NETO1: variants seen among roughly 807,000 people sequenced by gnomAD.
The protein encoded by NETO1 is neuropilin and tolloid-like protein 1.
A neutral mutation model predicts 61.3 loss-of-function variants in NETO1; 26 were observed. The ratio of observed to expected loss-of-function variants is 0.42; its 90% CI spans 0.31 to 0.59. NETO1 has a LOEUF of 0.59. Among genes scored for constraint, NETO1 ranks in the 20% least tolerant of loss-of-function variants. The probability of loss-of-function intolerance (pLI) is 0.12; values close to 1 mark genes in which losing one functional copy is unlikely to be tolerated. For missense variants in NETO1, 531 were observed against 662.8 expected, an observed-to-expected ratio of 0.80 and a Z score of 2.18; for synonymous variants, 225 against 225.8, an observed-to-expected ratio of 1.00 and a Z score of 0.03.
chr18:72,800,337 AT>A (rs2072463582), intron 4 of NETO1, among the ~76,000 whole-genome samples: 1 of 152,218 alleles, frequency 6.6e-6, no homozygotes, highest in Non-Finnish European at 1.5e-5. Context: ...ATATCCTGAG[AT>A]TGCCACAGAA....
intron 8 of NETO1, among the ~76,000 whole-genome samples, chr18:72,751,187 T>A (rs1354485926): frequency 3.3e-5 from 5 of 152,024 alleles, no homozygotes; most frequent in Non-Finnish European, 7.4e-5. Flanking sequence ...AATGAAATAA[T>A]CACAACTGGT....
At chr18:72,772,811 CTCTCTCTCTCTCTCTATATATATA>C (rs1599139740) in intron 7 of NETO1, among the ~76,000 whole-genome samples, 2 of 54,984 alleles carry the variant, frequency 3.6e-5, no homozygotes, top group African/African-American at 1.3e-4. Flanking sequence ...CTCTCTCTCT[CTCTCTCTCTCTCTCTATATATATA>C]TATATATATA....
chr18:72,794,312 A>C (rs765954411), intron 5 of NETO1, 51 bp downstream of exon 5: 1 of 1,613,680 alleles, frequency 6.2e-7, no homozygotes, highest in South Asian at 1.1e-5. Flanking sequence ...AGTGTATTTC[A>C]TAGCAGAAAA....
chr18:72,756,196 C>A, intron 7 of NETO1, 49 bp from the exon 8 acceptor site: 1 of 866,064 alleles, frequency 1.2e-6, no homozygotes, highest in Non-Finnish European at 1.9e-6. Context: ...AACTGACATT[C>A]AGTAGTAAAT....
chr18:72,866,637 T>G (rs2145708125), intron 1 of NETO1: 1 of 858,116 alleles, frequency 1.2e-6, no homozygotes, highest in East Asian at 1.2e-4. Flanking sequence ...TGCTTAGTAA[T>G]GATACATTTC....
chr18:72,833,121 T>C (rs1276722227), intron 4 of NETO1, among the ~76,000 whole-genome samples: 6 of 152,204 alleles, frequency 3.9e-5, no homozygotes, highest in Non-Finnish European at 5.9e-5. Context: ...ATATATATGT[T>C]ATTTAAATTC....
chr18:72,817,798 T>C (rs1276634886), intron 4 of NETO1, among the ~76,000 whole-genome samples: 1 of 152,244 alleles, frequency 6.6e-6, no homozygotes, highest in Admixed American at 6.5e-5. Flanking sequence ...TCTGTTTCTG[T>C]CTGTCTCTCA....
chr18:72,806,943 C>T (rs2072692952), intron 4 of NETO1, among the ~76,000 whole-genome samples: 1 of 152,110 alleles, frequency 6.6e-6, no homozygotes. Flanking sequence ...GTGTTGGACC[C>T]CTTGTTTTTT....
At chr18:72,805,046 G>A (rs1038546944) in intron 4 of NETO1, among the ~76,000 whole-genome samples, 3 of 152,128 alleles carry the variant, frequency 2.0e-5, no homozygotes, top group South Asian at 2.1e-4. Flanking sequence ...TCAAATAAAT[G>A]ATAAGTAAAA....
Position 72,858,888 on chromosome 18 carries a change from T to G in NETO1, c.407A>C (p.Lys136Thr). ...TTCCAGCTCTCCATCAGCAAAAAAT[T>G]TAATCCATAGAAATCTTCCACTGGA... ...IKSSGRFLWI[K>T]FFADGELESM... is the part of the protein sequence containing the mutation. The change falls in exon 4 of 11, where the codon AAA (lysine) becomes ACA (threonine). Residue 136 changes from lysine to threonine, a missense_variant. Coordinates refer to ENST00000327305, the MANE Select transcript of NETO1 (RefSeq NM_138966.5). 1 of 1,613,912 alleles carries G rather than the reference T, an allele frequency of 6.2e-7. No homozygotes were observed. Among genetic ancestry groups the G allele is most frequent in the Non-Finnish European group, 8.5e-7 (1 of 1,179,868 alleles).
intron 7 of NETO1, among the ~76,000 whole-genome samples, chr18:72,782,785 C>T (rs983536909): frequency 2.6e-5 from 4 of 151,910 alleles, no homozygotes; most frequent in Non-Finnish European, 5.9e-5. Flanking sequence ...GCCTGGGCAA[C>T]AAGAGCAAAA....
At chr18:72,803,676 T>G (rs1374327952) in intron 4 of NETO1, among the ~76,000 whole-genome samples, 1 of 151,820 alleles carries the variant, frequency 6.6e-6, no homozygotes, top group Non-Finnish European at 1.5e-5. Context: ...ACAAAATTAG[T>G]CAGGTGTGGT....
intron 4 of NETO1, among the ~76,000 whole-genome samples, chr18:72,828,253 A>G (rs6566664): frequency 0.8 from 122,377 of 152,090 alleles, 49,972 homozygotes; most frequent in Non-Finnish European, 0.86. Flanking sequence ...GAAGGTTTCA[A>G]TGAGCCAAGA....
intron 7 of NETO1, among the ~76,000 whole-genome samples, chr18:72,772,870 T>C (rs1413131519): frequency 1.2e-4 from 14 of 119,868 alleles, no homozygotes; most frequent in African/African-American, 4.3e-4. Flanking sequence ...TATATATATA[T>C]ATCAGTTTCA....
chr18:72,852,519 G>A (rs1355268082), intron 4 of NETO1, among the ~76,000 whole-genome samples: 2 of 152,020 alleles, frequency 1.3e-5, no homozygotes, highest in African/African-American at 2.4e-5. Context: ...CCGGCCGGAA[G>A]ACACTCTTTC....
intron 4 of NETO1, among the ~76,000 whole-genome samples, chr18:72,794,701 A>G (rs551713400): frequency 2.1e-4 from 32 of 152,154 alleles, no homozygotes; most frequent in Non-Finnish European, 3.8e-4. Context: ...CTCATTACCT[A>G]TAACTCCATA....
At chr18:72,854,700 G>T (rs2074362814) in intron 4 of NETO1, among the ~76,000 whole-genome samples, 1 of 152,170 alleles carries the variant, frequency 6.6e-6, no homozygotes, top group African/African-American at 2.4e-5. Context: ...GAGTAAAAAA[G>T]TCTGTGAAAT....
chr18:72,841,925 T>A (rs1942461), intron 4 of NETO1, among the ~76,000 whole-genome samples: 9 of 152,032 alleles, frequency 5.9e-5, no homozygotes, highest in African/African-American at 2.2e-4. Context: ...TTGAAATTCA[T>A]GGCCAAGGAA....
At chr18:72,754,601 T>G (rs979893393) in intron 8 of NETO1, among the ~76,000 whole-genome samples, 1 of 152,120 alleles carries the variant, frequency 6.6e-6, no homozygotes, top group African/African-American at 2.4e-5. Flanking sequence ...TTTGTAGTGA[T>G]AAAAGCGTCA....
Sources: gnomAD v4.1 joint callset for allele counts (sites outside exome capture counted in the v4.1 genomes callset) on GRCh38, gnomAD v4.1.1 for gene constraint, MANE v1.5 for transcripts, NCBI Gene and HGNC (gene_info 2026-07-23, HGNC 2026-07-21) for gene names.